Variants in CCDC32 observed in about 807,000 individuals in gnomAD.
The protein encoded by CCDC32 is coiled-coil domain-containing protein 32.
In CCDC32, 9 loss-of-function variants were observed where a neutral mutation model predicts 20.1. The observed-to-expected ratio is 0.45, with a 90% CI of 0.27 to 0.78. The LOEUF is 0.78. Among genes scored for constraint, CCDC32 ranks in the 30% least tolerant of loss-of-function variants. The pLI is 0.16. For synonymous variants in CCDC32, 63 were observed against 79.0 expected, an observed-to-expected ratio of 0.80 and a Z score of 1.07; for missense variants, 204 against 215.5, an observed-to-expected ratio of 0.95 and a Z score of 0.33.
At chr15:40,527,979 G>T (rs1379991508), downstream of CCDC32, among the ~76,000 whole-genome samples, 3 of 152,174 alleles carry the variant, frequency 2.0e-5, no homozygotes, top group Non-Finnish European at 4.4e-5. Context: ...GTACAAGAAG[G>T]CCCTTTCCCC....
downstream of CCDC32, chr15:40,535,151 A>C: frequency 3.8e-6 from 4 of 1,062,504 alleles, no homozygotes; most frequent in East Asian, 2.6e-5. Flanking sequence ...GCTGTGCATC[A>C]GGAAGATTAA....
intron 2 of CCDC32, 129 bp downstream of exon 2, chr15:40,562,643 G>T: frequency 1.8e-6 from 2 of 1,094,288 alleles, no homozygotes; most frequent in African/African-American, 1.6e-5. Flanking sequence ...CCAACAGCCG[G>T]CTTGAAACAT....
chr15:40,525,970 C>G (rs1474368554), downstream of CCDC32, among the ~76,000 whole-genome samples: 2 of 151,710 alleles, frequency 1.3e-5, no homozygotes, highest in Non-Finnish European at 1.5e-5. Context: ...CCATGACCTG[C>G]AAGTCACCGT....
At chr15:40,558,647 GC>G (rs1890412352) in intron 2 of CCDC32, among the ~76,000 whole-genome samples, 2 of 151,976 alleles carry the variant, frequency 1.3e-5, no homozygotes, top group Non-Finnish European at 2.9e-5. Context: ...CGTCCCTTCT[GC>G]CGCTGTCTCC....
At chr15:40,563,690 AC>A (rs1890811998) in intron 1 of CCDC32, among the ~76,000 whole-genome samples, 1 of 152,028 alleles carries the variant, frequency 6.6e-6, no homozygotes, top group Non-Finnish European at 1.5e-5. Context: ...ACACACACAC[AC>A]ACACACACAC....
chr15:40,553,819 T>G lies in CCDC32; in HGVS notation c.*152A>C. ...AGCTGTTTTCTTTGTGGAGTGGAAA[T>G]TTGGGTTTTTTCCTTCAGTGGATTT... is the stretch of plus-strand genomic sequence containing the variant. On this transcript the variant is annotated 3_prime_UTR_variant, in exon 4 of 4. Coordinates refer to ENST00000416810, the MANE Select transcript of CCDC32 (RefSeq NM_001080792.4). 1 of 1,391,982 alleles carries G rather than the reference T, an allele frequency of 7.2e-7. No individual in the cohort carries two copies. Among genetic ancestry groups the G allele is most frequent in the Non-Finnish European group, 9.3e-7 (1 of 1,072,432 alleles). 86.2% of individuals were successfully genotyped at this position (1,391,982 alleles called of 1,614,324 possible).
At chr15:40,524,146 C>CTTTTT (rs66753325), downstream of CCDC32, among the ~76,000 whole-genome samples, 11 of 89,138 alleles carry the variant, frequency 1.2e-4, no homozygotes, top group East Asian at 3.4e-4. Flanking sequence ...CATGCATAAT[C>CTTTTT]TTTTTTTTTT....
chr15:40,523,216 G>A, the CCDC32 span, among the ~76,000 whole-genome samples: 1 of 151,640 alleles, frequency 6.6e-6, no homozygotes, highest in Non-Finnish European at 1.5e-5. Flanking sequence ...AAGAAAAGGT[G>A]GATAAGCGCT....
chr15:40,560,478 G>A (rs1200322034), intron 2 of CCDC32, among the ~76,000 whole-genome samples: 1 of 152,076 alleles, frequency 6.6e-6, no homozygotes, highest in Non-Finnish European at 1.5e-5. Flanking sequence ...TCTAACAAAG[G>A]ACTAATATCC....
At chr15:40,541,579 G>C (rs1045434618) in intron 3 of CCDC32, among the ~76,000 whole-genome samples, 1 of 152,100 alleles carries the variant, frequency 6.6e-6, no homozygotes, top group African/African-American at 2.4e-5. Flanking sequence ...TGATCCACCC[G>C]CCTCAGCCTC....
At chr15:40,561,666 A>G (rs1163340642) in intron 2 of CCDC32, among the ~76,000 whole-genome samples, 1 of 152,086 alleles carries the variant, frequency 6.6e-6, no homozygotes, top group Non-Finnish European at 1.5e-5. Context: ...TAATCCATGT[A>G]GCCAAAAACC....
chr15:40,554,603 AT>A (rs919699573), intron 3 of CCDC32, among the ~76,000 whole-genome samples: 15 of 149,916 alleles, frequency 1.0e-4, no homozygotes, highest in African/African-American at 2.2e-4. Flanking sequence ...GCACTAAGTG[AT>A]TTTTTTTTTG....
At chr15:40,526,092 G>A (rs954822681), downstream of CCDC32, among the ~76,000 whole-genome samples, 4 of 152,058 alleles carry the variant, frequency 2.6e-5, no homozygotes, top group South Asian at 2.1e-4. Flanking sequence ...GGCCCACTGC[G>A]GCCTCACCTC....
At chr15:40,540,134 GA>G (rs2141609966) in intron 3 of CCDC32, among the ~76,000 whole-genome samples, 1 of 152,232 alleles carries the variant, frequency 6.6e-6, no homozygotes, top group South Asian at 2.1e-4. Context: ...GAGGGTGGGA[GA>G]AGGGATCAGG....
downstream of CCDC32, among the ~76,000 whole-genome samples, chr15:40,524,735 C>A (rs1055378582): frequency 1.3e-5 from 1 of 79,892 alleles, no homozygotes; most frequent in Non-Finnish European, 2.3e-5. Context: ...TGTTCTTTTT[C>A]TTTCTTTTTT....
downstream of CCDC32, among the ~76,000 whole-genome samples, chr15:40,524,739 C>CTTT (rs758786719): frequency 1.3e-3 from 123 of 95,170 alleles, 3 homozygotes; most frequent in African/African-American, 6.3e-3. Context: ...CTTTTTCTTT[C>CTTT]TTTTTTTTTT....
intron 2 of CCDC32, among the ~76,000 whole-genome samples, chr15:40,558,892 C>T (rs1890432718): frequency 6.7e-6 from 1 of 150,300 alleles, no homozygotes; most frequent in Admixed American, 6.6e-5. Context: ...CAAGCTCCGC[C>T]TCCTGGGTTC....
intron 3 of CCDC32, among the ~76,000 whole-genome samples, chr15:40,546,837 G>A (rs1889640265): frequency 6.6e-6 from 1 of 151,880 alleles, no homozygotes; most frequent in African/African-American, 2.4e-5. Flanking sequence ...GAGTAGCTGG[G>A]ACTACAGGCA....
chr15:40,522,108 A>G, the CCDC32 span, among the ~76,000 whole-genome samples: 16 of 152,244 alleles, frequency 1.1e-4, no homozygotes. Flanking sequence ...ATTTAAAAAA[A>G]GAGAAAAAAA....
Sources: allele counts gnomAD v4.1 joint callset (sites outside exome capture counted in the v4.1 genomes callset), GRCh38; gene constraint gnomAD v4.1.1; transcripts MANE v1.5; gene names NCBI Gene and HGNC (gene_info 2026-07-23, HGNC 2026-07-21).